SCAPER: variants seen among roughly 807,000 people sequenced by gnomAD.
SCAPER encodes the protein S phase cyclin A-associated protein in the endoplasmic reticulum.
In SCAPER, 98 loss-of-function variants were observed where a neutral mutation model predicts 182.2. The ratio of observed to expected loss-of-function variants is 0.54; its 90% CI spans 0.46 to 0.64. The LOEUF is 0.64. Among genes scored for constraint, SCAPER ranks in the 30% least tolerant of loss-of-function variants. The pLI, the probability that SCAPER is intolerant of heterozygous loss-of-function variation, is 0.00. For synonymous variants in SCAPER, 605 were observed against 564.6 expected (o/e 1.07, Z -1.01); for missense variants, 1,432 against 1,690.0 (o/e 0.85, Z 2.68).
rs1185376117 is a variant in SCAPER, at chr15:76,492,868, G to GTT, written c.2954+11989_2954+11990dup. ...TAGACTTGTAACACAATCTGAGAGT[G>GTT]TTTTTTTTTTTTTTTTTGCAGAAGA... is the stretch of plus-strand genomic sequence containing the variant. On this transcript the variant is annotated intron_variant, in intron 24 of 31. Transcript: ENST00000563290. Among the ~76,000 whole-genome samples, 256 of 121,624 alleles carry GTT rather than the reference G, an allele frequency of 2.1e-3. 2 individuals carry two copies. The highest frequency in any genetic ancestry group is 3.7e-3 in the East Asian group (15 of 4,042). 79.8% of individuals were successfully genotyped at this position (121,624 alleles called of 152,430 possible). A position where few individuals can be genotyped will look rare whatever the true frequency, so the allele number is the denominator to read the frequency against.
intron 4 of SCAPER, among the ~76,000 whole-genome samples, chr15:76,854,515 A>T (rs1290371353): frequency 6.6e-6 from 1 of 152,150 alleles, no homozygotes; most frequent in African/African-American, 2.4e-5. Context: ...AATCAATATC[A>T]TTAAAACAGC....
intron 25 of SCAPER, among the ~76,000 whole-genome samples, chr15:76,440,906 GGTTTTTTTTTT>G (rs1285886011): frequency 3.6e-5 from 4 of 112,120 alleles, no homozygotes; most frequent in Admixed American, 9.5e-5. Flanking sequence ...TTCCCCTTCT[GGTTTTTTTTTT>G]GTTTTTTTTT....
intron 26 of SCAPER, among the ~76,000 whole-genome samples, chr15:76,406,610 C>T (rs2044854209): frequency 2.1e-5 from 2 of 94,218 alleles, no homozygotes; most frequent in Admixed American, 2.6e-4. Context: ...TAGTGAGACC[C>T]TGTCTACACA....
At chr15:76,431,699 A>AAAAAAAAAAAAAAAAAAAAC (rs2046877415) in intron 26 of SCAPER, among the ~76,000 whole-genome samples, 1 of 149,314 alleles carries the variant, frequency 6.7e-6, no homozygotes, top group Non-Finnish European at 1.5e-5. Flanking sequence ...AAAAAAAAAA[A>AAAAAAAAAAAAAAAAAAAAC]AAAAATGCTT....
chr15:76,688,282 GGTT>G (rs1486875760), intron 20 of SCAPER, among the ~76,000 whole-genome samples: 1 of 152,026 alleles, frequency 6.6e-6, no homozygotes, highest in South Asian at 2.1e-4. Flanking sequence ...TTTTTGATGG[GGTT>G]GTTTTCTTCC....
chr15:76,729,708 G>A (rs2060806681), intron 16 of SCAPER, among the ~76,000 whole-genome samples: 1 of 151,936 alleles, frequency 6.6e-6, no homozygotes, highest in South Asian at 2.1e-4. Context: ...GTATTTCTTA[G>A]GATATTATAA....
At chr15:76,524,118 T>C (rs2043011450) in intron 23 of SCAPER, among the ~76,000 whole-genome samples, 1 of 152,122 alleles carries the variant, frequency 6.6e-6, no homozygotes, top group African/African-American at 2.4e-5. Context: ...AAAAATTCCA[T>C]AGCTTTGCAA....
chr15:76,812,515 A>C (rs3099143), intron 5 of SCAPER, among the ~76,000 whole-genome samples: 18,806 of 150,130 alleles, frequency 0.13, 1,231 homozygotes, highest in African/African-American at 0.15. Context: ...GAAAGAAAGA[A>C]AGACAGACAT....
chr15:76,878,317 A>T (rs1371083244), intron 2 of SCAPER, among the ~76,000 whole-genome samples: 1 of 152,216 alleles, frequency 6.6e-6, no homozygotes, highest in Non-Finnish European at 1.5e-5. Flanking sequence ...TGGCAAAAGG[A>T]TATATGAGAA....
intron 5 of SCAPER, among the ~76,000 whole-genome samples, chr15:76,821,613 G>A (rs1299963291): frequency 6.6e-6 from 1 of 151,698 alleles, no homozygotes; most frequent in Non-Finnish European, 1.5e-5. Context: ...GACAGGGCGA[G>A]ACCTTCTCTC....
At chr15:76,818,822 G>C (rs1053348200) in intron 5 of SCAPER, among the ~76,000 whole-genome samples, 6 of 152,248 alleles carry the variant, frequency 3.9e-5, no homozygotes, top group African/African-American at 1.4e-4. Context: ...AGGGGTCAGG[G>C]AATTCCCTTT....
intron 2 of SCAPER, among the ~76,000 whole-genome samples, chr15:76,869,681 T>C (rs1462888144): frequency 6.6e-6 from 1 of 152,132 alleles, no homozygotes; most frequent in Non-Finnish European, 1.5e-5. Context: ...TATGCCATTA[T>C]AGAGAACAGT....
intron 28 of SCAPER, among the ~76,000 whole-genome samples, chr15:76,378,233 TC>T (rs1221396421): frequency 6.6e-6 from 1 of 151,798 alleles, no homozygotes; most frequent in Non-Finnish European, 1.5e-5. Flanking sequence ...CTTGTCTAAC[TC>T]TGCAGCAGGT....
chr15:76,351,658 A>AT (rs1251575982), intron 30 of SCAPER, among the ~76,000 whole-genome samples: 2 of 152,222 alleles, frequency 1.3e-5, no homozygotes, highest in Non-Finnish European at 2.9e-5. Context: ...AAGTCTGGTA[A>AT]TTTTGCATGT....
At chr15:76,572,919 TCACA>T (rs58395846) in intron 23 of SCAPER, among the ~76,000 whole-genome samples, 1 of 135,174 alleles carries the variant, frequency 7.4e-6, no homozygotes, top group African/African-American at 2.8e-5. Flanking sequence ...TCTCTCTCTC[TCACA>T]CACACACACA....
chr15:76,404,018 G>A (rs2044649046), intron 27 of SCAPER, among the ~76,000 whole-genome samples: 1 of 152,176 alleles, frequency 6.6e-6, no homozygotes, highest in Non-Finnish European at 1.5e-5. Flanking sequence ...GGTCACGTGT[G>A]ACTTCAGGGA....
chr15:76,580,072 C>T (rs2048156467), intron 22 of SCAPER, among the ~76,000 whole-genome samples: 2 of 152,006 alleles, frequency 1.3e-5, no homozygotes, highest in South Asian at 2.1e-4. Context: ...TACAGTAACA[C>T]CTGGAGACTT....
chr15:76,834,460 C>T lies in SCAPER; in HGVS notation c.393+7274G>A, dbSNP rs116810918. Among the ~76,000 whole-genome samples, 813 of 152,020 alleles carry T rather than the reference C, an allele frequency of 5.3e-3. 6 individuals are homozygous for T. The highest frequency in any genetic ancestry group is 0.019 in the African/African-American group (787 of 41,470). On this transcript the variant is annotated intron_variant, in intron 5 of 31. Coordinates refer to ENST00000563290, the MANE Select transcript of SCAPER (RefSeq NM_020843.4). Reference sequence around the variant, plus strand: ...GGAAGTCAAAGAAAAAACACACGGGCAAACCAACCCCAAAACTAGCAAAAG... The same window carrying T: ...GGAAGTCAAAGAAAAAACACACGGGTAAACCAACCCCAAAACTAGCAAAAG...
At chr15:76,875,340 G>T (rs1056159215) in intron 2 of SCAPER, among the ~76,000 whole-genome samples, 1 of 152,142 alleles carries the variant, frequency 6.6e-6, no homozygotes, top group African/African-American at 2.4e-5. Flanking sequence ...ATATGTATGT[G>T]TATAAGCACA....
Sources: allele counts gnomAD v4.1 joint callset (sites outside exome capture counted in the v4.1 genomes callset), GRCh38; gene constraint gnomAD v4.1.1; transcripts MANE v1.5; gene names NCBI Gene and HGNC (gene_info 2026-07-23, HGNC 2026-07-21).